Variants in CDYL observed in about 807,000 individuals in gnomAD.
The protein encoded by CDYL is chromodomain Y like.
Under a neutral mutation model 47.3 loss-of-function variants are expected in CDYL, and 8 were observed. That is an observed-to-expected ratio of 0.17 (90% CI 0.10 to 0.31). The LOEUF (loss-of-function observed/expected upper bound fraction) is 0.31, where lower values mean the gene tolerates loss of function less well. CDYL is among the 10% of genes least tolerant of loss of function. The probability of loss-of-function intolerance (pLI) is 1.00; values close to 1 mark genes in which losing one functional copy is unlikely to be tolerated. For synonymous variants in CDYL, 266 were observed against 265.0 expected, an observed-to-expected ratio of 1.00 and a Z score of -0.04; for missense variants, 471 against 701.4, an observed-to-expected ratio of 0.67 and a Z score of 3.71.
At chr6:4,786,756 C>T (rs1758766921) in intron 1 of CDYL, among the ~76,000 whole-genome samples, 1 of 152,172 alleles carries the variant, frequency 6.6e-6, no homozygotes, top group Non-Finnish European at 1.5e-5. Context: ...TTCATAACTC[C>T]TCTCTGTCTA....
At chr6:4,946,632 G>A (rs1384847921) in intron 5 of CDYL, among the ~76,000 whole-genome samples, 10 of 152,174 alleles carry the variant, frequency 6.6e-5, no homozygotes, top group Non-Finnish European at 4.4e-5. Context: ...AGCTTGCCAA[G>A]CCCAGCTGTG....
chr6:4,947,063 C>T (rs948819955), intron 5 of CDYL, among the ~76,000 whole-genome samples: 3 of 152,210 alleles, frequency 2.0e-5, no homozygotes, highest in East Asian at 1.9e-4. Flanking sequence ...CCAGGTCAGG[C>T]GCCCTGAGAA....
At chr6:4,815,101 A>C (rs751890736) in intron 1 of CDYL, among the ~76,000 whole-genome samples, 4 of 152,228 alleles carry the variant, frequency 2.6e-5, no homozygotes, top group Non-Finnish European at 5.9e-5. Flanking sequence ...CTTTAATAGT[A>C]CATGCTTATG....
At chr6:4,785,964 A>G (rs1454945280) in intron 1 of CDYL, among the ~76,000 whole-genome samples, 3 of 152,266 alleles carry the variant, frequency 2.0e-5, no homozygotes, top group African/African-American at 2.4e-5. Flanking sequence ...AGTGAAGGGC[A>G]TGCTTATGAA....
chr6:4,819,144 CTCTCTCTCTCTCTCTCTCTG>C (rs1460803728), intron 1 of CDYL, among the ~76,000 whole-genome samples: 2 of 141,392 alleles, frequency 1.4e-5, no homozygotes, highest in African/African-American at 2.9e-5. Context: ...CTCTCTCTCT[CTCTCTCTCTCTCTCTCTCTG>C]TGTGTGTGTG....
intron 1 of CDYL, among the ~76,000 whole-genome samples, chr6:4,804,510 G>C (rs1283110753): frequency 6.6e-6 from 1 of 152,190 alleles, no homozygotes; most frequent in East Asian, 1.9e-4. Context: ...GAGCCAGAGA[G>C]AGCTTGTTCT....
intron 1 of CDYL, among the ~76,000 whole-genome samples, chr6:4,871,428 G>A (rs1761471307): frequency 6.6e-6 from 1 of 152,188 alleles, no homozygotes; most frequent in African/African-American, 2.4e-5. Flanking sequence ...GATTATGATT[G>A]TTCAACCCGT....
chr6:4,894,963 G>C (rs28580117), intron 2 of CDYL, among the ~76,000 whole-genome samples: 3 of 149,334 alleles, frequency 2.0e-5, no homozygotes, highest in Admixed American at 1.3e-4. Flanking sequence ...GTATATATAC[G>C]TATGTGTATA....
At chr6:4,872,741 T>C (rs1761510857) in intron 1 of CDYL, among the ~76,000 whole-genome samples, 2 of 152,192 alleles carry the variant, frequency 1.3e-5, no homozygotes, top group Admixed American at 1.3e-4. Context: ...TTCCTAACTT[T>C]GCCGTTTTAT....
intron 1 of CDYL, among the ~76,000 whole-genome samples, chr6:4,870,037 TTTTTTTC>T (rs1354853762): frequency 1.3e-5 from 2 of 152,176 alleles, no homozygotes; most frequent in East Asian, 1.9e-4. Context: ...TTGCTTTCAT[TTTTTTTC>T]TTTTTTCTTT....
At chr6:4,783,735 T>C (rs1391178331) in intron 1 of CDYL, among the ~76,000 whole-genome samples, 1 of 152,158 alleles carries the variant, frequency 6.6e-6, no homozygotes, top group East Asian at 1.9e-4. Context: ...GTTGTCAGCA[T>C]AGGTGCAGTC....
chr6:4,903,156 C>G (rs1757120280), intron 2 of CDYL, among the ~76,000 whole-genome samples: 3 of 152,128 alleles, frequency 2.0e-5, no homozygotes. Flanking sequence ...ACCAAGGCAC[C>G]AAGAGGCACT....
At chr6:4,865,309 C>T (rs1378673649) in intron 1 of CDYL, among the ~76,000 whole-genome samples, 1 of 152,204 alleles carries the variant, frequency 6.6e-6, no homozygotes, top group Non-Finnish European at 1.5e-5. Context: ...CCCCTTCTGT[C>T]TTTAAAATAG....
chr6:4,747,465 A>C (rs968742148), intron 3 of CDYL, among the ~76,000 whole-genome samples: 3 of 152,120 alleles, frequency 2.0e-5, no homozygotes, highest in Admixed American at 2.0e-4. Context: ...GTTATTACTG[A>C]GGTGACCTGG....
At chr6:4,930,733 C>T (rs1300944685) in intron 2 of CDYL, among the ~76,000 whole-genome samples, 1 of 152,186 alleles carries the variant, frequency 6.6e-6, no homozygotes, top group Non-Finnish European at 1.5e-5. Context: ...TTGAGGATAT[C>T]CTTTTTGCTC....
At position 4,904,602 on chromosome 6, in the gene CDYL, T is replaced by C. The variant is rs1757171200; in HGVS notation, c.691+12223T>C. Among the ~76,000 whole-genome samples, 5 of 152,368 alleles carry C rather than the reference T, an allele frequency of 3.3e-5. No individual in the cohort carries two copies. The South Asian group carries it at 1.0e-3, about 32-fold the overall frequency. Reference sequence around the variant, plus strand: ...AACATCTGGTCTGTCCTCCCTACTTTATTATTTAAGACTTGTTTGTGCTTA... The same window carrying C: ...AACATCTGGTCTGTCCTCCCTACTTCATTATTTAAGACTTGTTTGTGCTTA... On this transcript the variant is annotated intron_variant, in intron 2 of 6. Transcript: ENST00000397588.
intron 4 of CDYL, among the ~76,000 whole-genome samples, chr6:4,941,706 A>G (rs1183418793): frequency 1.3e-5 from 2 of 152,238 alleles, no homozygotes. Flanking sequence ...ATATATGGGC[A>G]TGGAGGCAAG....
chr6:4,723,093 C>A (rs1757402350), intron 2 of CDYL, among the ~76,000 whole-genome samples: 1 of 152,056 alleles, frequency 6.6e-6, no homozygotes, highest in Admixed American at 6.6e-5. Context: ...ATACAACCAA[C>A]CATGGATCTA....
At chr6:4,949,834 G>A (rs778873891) in intron 5 of CDYL, among the ~76,000 whole-genome samples, 8 of 152,216 alleles carry the variant, frequency 5.3e-5, no homozygotes, top group African/African-American at 1.4e-4. Flanking sequence ...GGTGACTGTC[G>A]TTCAAACCAA....
Sources: gnomAD v4.1 joint callset for allele counts (sites outside exome capture counted in the v4.1 genomes callset) on GRCh38, gnomAD v4.1.1 for gene constraint, MANE v1.5 for transcripts, NCBI Gene and HGNC (gene_info 2026-07-23, HGNC 2026-07-21) for gene names.